ARSK: variants seen among roughly 807,000 people sequenced by gnomAD.
ARSK encodes arylsulfatase K.
In ARSK, 37 loss-of-function variants were observed where a neutral mutation model predicts 53.2. The ratio of observed to expected loss-of-function variants is 0.70; its 90% CI spans 0.54 to 0.92. The LOEUF is 0.92. Among genes scored for constraint, ARSK ranks in the 40% least tolerant of loss-of-function variants. The pLI, the probability that ARSK is intolerant of heterozygous loss-of-function variation, is 0.00. For missense variants in ARSK, 613 were observed against 643.0 expected (o/e 0.95, Z 0.51); for synonymous variants, 208 against 223.2 (o/e 0.93, Z 0.61).
intron 1 of ARSK, among the ~76,000 whole-genome samples, chr5:95,562,899 T>TG (rs1748666702): frequency 6.6e-6 from 1 of 152,270 alleles, no homozygotes; most frequent in Non-Finnish European, 1.5e-5. Context: ...AGATTTTCTC[T>TG]GCCAACTAAA....
At chr5:95,602,017 T>G (rs1749408844) in intron 7 of ARSK, among the ~76,000 whole-genome samples, 1 of 151,642 alleles carries the variant, frequency 6.6e-6, no homozygotes, top group African/African-American at 2.4e-5. Flanking sequence ...TGCCCCATAA[T>G]CAAACTGAAC....
chr5:95,604,192 T>C lies in ARSK; in HGVS notation c.*666T>C, dbSNP rs1455836131. On this transcript the variant is annotated 3_prime_UTR_variant, in exon 8 of 8. Coordinates refer to ENST00000380009, the MANE Select transcript of ARSK (RefSeq NM_198150.3). Reference sequence around the variant, plus strand: ...CATTTGATGGTGCTCGATGAGTTACTTGTATTTGATGGGATTGTTTGGATG... The same window carrying C: ...CATTTGATGGTGCTCGATGAGTTACCTGTATTTGATGGGATTGTTTGGATG... 6.6e-6 allele frequency: 1 copy of C among 152,210 alleles called. No individual in the cohort carries two copies. Among genetic ancestry groups the C allele is most frequent in the Non-Finnish European group, 1.5e-5 (1 of 68,036 alleles). 9.4% of individuals were successfully genotyped at this position (152,210 alleles called of 1,614,324 possible). A position where few individuals can be genotyped will look rare whatever the true frequency, so the allele number is the denominator to read the frequency against.
In ARSK at chr5:95,595,787, A is replaced by G. The variant is rs542907436; in HGVS notation, c.1096+4162A>G. Among the ~76,000 whole-genome samples, 2 of 152,244 alleles carry G rather than the reference A, an allele frequency of 1.3e-5. 1 individual carries two copies. The highest frequency in any genetic ancestry group is 4.8e-5 in the African/African-American group (2 of 41,536). ...CCCAAACCTCAACATCAAGTAATATACCCAGGGAACAAACCTGCACATGTA... is the reference window on the plus strand; with the variant it reads ...CCCAAACCTCAACATCAAGTAATATGCCCAGGGAACAAACCTGCACATGTA... On this transcript the variant is annotated intron_variant, in intron 6 of 7. Transcript: ENST00000380009.
intron 6 of ARSK, among the ~76,000 whole-genome samples, chr5:95,599,706 C>G (rs932049490): frequency 2.0e-5 from 3 of 152,154 alleles, no homozygotes; most frequent in African/African-American, 7.2e-5. Flanking sequence ...TTGTGATAGT[C>G]TTCTTCCAAG....
intron 5 of ARSK, among the ~76,000 whole-genome samples, chr5:95,588,233 T>A (rs1749154093): frequency 6.7e-6 from 1 of 148,772 alleles, no homozygotes; most frequent in South Asian, 2.1e-4. Context: ...ATATACTGTA[T>A]CTTAATTTTT....
intron 4 of ARSK, 114 bp downstream of exon 4, chr5:95,583,312 T>A: frequency 1.0e-6 from 1 of 981,066 alleles, no homozygotes; most frequent in Non-Finnish European, 1.4e-6. Context: ...AATTGTATAT[T>A]CAAACTTGAC....
chr5:95,599,532 A>G (rs1043705572), intron 6 of ARSK, among the ~76,000 whole-genome samples: 1 of 152,100 alleles, frequency 6.6e-6, no homozygotes, highest in African/African-American at 2.4e-5. Flanking sequence ...GAGCACAGTT[A>G]GTTTCACCCA....
At chr5:95,562,306 C>T (rs185885096) in intron 1 of ARSK, among the ~76,000 whole-genome samples, 38 of 152,344 alleles carry the variant, frequency 2.5e-4, no homozygotes, top group Non-Finnish European at 4.1e-4. Context: ...TGCATCCCCA[C>T]TCCTACTCCT....
chr5:95,586,406 T>C (rs1262287695), intron 4 of ARSK, among the ~76,000 whole-genome samples, 156 bp from the exon 5 acceptor site: 3 of 152,214 alleles, frequency 2.0e-5, no homozygotes, highest in Admixed American at 6.5e-5. Context: ...TTGTTCCTAA[T>C]TTATGTATTG....
chr5:95,555,140 G>A lies in ARSK; in HGVS notation c.-139G>A, dbSNP rs1316100884. The A allele has an allele frequency of 1.5e-5, 10 of 678,748 alleles. No homozygotes were observed. Among genetic ancestry groups the A allele is most frequent in the South Asian group, 4.9e-5 (3 of 61,640 alleles). 42.0% of individuals were successfully genotyped at this position (678,748 alleles called of 1,614,324 possible). ...CCTGATAGGAGTTGTAGTTCTGCGG[G>A]TGAAGCTCGGCGTTACTATCAAGCA... On this transcript the variant is annotated 5_prime_UTR_variant, in exon 1 of 8. It adds an upstream start codon to the 5' untranslated region. Coordinates refer to ENST00000380009, the MANE Select transcript of ARSK (RefSeq NM_198150.3). The surrounding 1 kb of genome is among the most constrained non-coding windows in gnomAD (Gnocchi z 4.0).
At chr5:95,560,145 C>G (rs1435885040) in intron 1 of ARSK, among the ~76,000 whole-genome samples, 2 of 152,090 alleles carry the variant, frequency 1.3e-5, no homozygotes, top group Non-Finnish European at 2.9e-5. Flanking sequence ...TTCTTATACT[C>G]CGAAAACTAC....
intron 1 of ARSK, among the ~76,000 whole-genome samples, chr5:95,559,095 C>T (rs554497143): frequency 1.2e-4 from 18 of 152,212 alleles, no homozygotes; most frequent in Admixed American, 1.0e-3. Flanking sequence ...TGAGCCGAGA[C>T]GTGCCATTGC....
intron 5 of ARSK, 69 bp downstream of exon 5, chr5:95,586,802 A>C (rs1749120734): frequency 3.7e-6 from 5 of 1,338,034 alleles, no homozygotes; most frequent in African/African-American, 1.6e-5. Flanking sequence ...GTCTGTAATC[A>C]TGCTGCTTGG....
At chr5:95,582,334 TAAAG>T (rs1228026780) in intron 3 of ARSK, among the ~76,000 whole-genome samples, 3 of 152,092 alleles carry the variant, frequency 2.0e-5, no homozygotes, top group Non-Finnish European at 4.4e-5. Flanking sequence ...AAATGAGTAA[TAAAG>T]AAAATATCTC....
chr5:95,583,002 C>G lies in ARSK; in HGVS notation c.503C>G (p.Thr168Ser), dbSNP rs1186772601. The G allele has an allele frequency of 6.2e-7, 1 of 1,613,694 alleles. No individual in the cohort carries two copies. The highest frequency in any genetic ancestry group is 8.5e-7 in the Non-Finnish European group (1 of 1,179,718). The change falls in exon 4 of 8, where the codon ACT becomes AGT. Residue 168 changes from threonine (T) to serine (S), a missense_variant. Coordinates refer to ENST00000380009, the MANE Select transcript of ARSK (RefSeq NM_198150.3). ...ATGGTTAATCTTATCCGTAACAGGA[C>G]TAAAGTCAGAGTGATGGAAAGGGAT... ...RPMVNLIRNR[T>S]KVRVMERDWQ...
intron 5 of ARSK, among the ~76,000 whole-genome samples, chr5:95,588,264 G>A (rs1226848727): frequency 6.8e-6 from 1 of 148,036 alleles, no homozygotes; most frequent in African/African-American, 2.5e-5. Flanking sequence ...TTGAGATAGA[G>A]TCTAGTTCTG....
chr5:95,555,141 T>C lies in ARSK; in HGVS notation c.-138T>C. ...CTGATAGGAGTTGTAGTTCTGCGGG[T>C]GAAGCTCGGCGTTACTATCAAGCAA... On this transcript the variant is annotated 5_prime_UTR_variant, in exon 1 of 8. Transcript: ENST00000380009. This position sits in a 1 kb window ranked among gnomAD's most constrained non-coding sequence, Gnocchi z 4.0. 1 of 687,222 alleles carries C rather than the reference T, an allele frequency of 1.5e-6. No individual in the cohort carries two copies. Among genetic ancestry groups the C allele is most frequent in the Non-Finnish European group, 2.3e-6 (1 of 429,996 alleles). The allele number at this position is 687,222 out of a possible 1,614,324, so 42.6% of individuals were successfully genotyped here. A position where few individuals can be genotyped will look rare whatever the true frequency, so the allele number is the denominator to read the frequency against.
rs201701037 is a variant in ARSK at position 95,603,541 on chromosome 5, A to G, written c.*15A>G. On this transcript the variant is annotated 3_prime_UTR_variant, in exon 8 of 8. Transcript: ENST00000380009. ...GAGCAGTTTGAACAAAAAGTTTAAAAATAGTGTTCTAGAGATACATATAAA... is the reference window on the plus strand; with the variant it reads ...GAGCAGTTTGAACAAAAAGTTTAAAGATAGTGTTCTAGAGATACATATAAA... The G allele has an allele frequency of 7.7e-4, 1,210 of 1,566,808 alleles. 2 individuals carry two copies. The highest frequency in any genetic ancestry group is 9.6e-4 in the Non-Finnish European group (1,111 of 1,157,540).
At chr5:95,557,614 T>C (rs1748545310) in intron 1 of ARSK, among the ~76,000 whole-genome samples, 1 of 152,254 alleles carries the variant, frequency 6.6e-6, no homozygotes, top group Non-Finnish European at 1.5e-5. Flanking sequence ...ATGTTGGTCT[T>C]TAAACTTAAA....
Sources: gnomAD v4.1 joint callset for allele counts (sites outside exome capture counted in the v4.1 genomes callset) on GRCh38, gnomAD v4.1.1 for gene constraint, Gnocchi (gnomAD v3.1) non-coding constraint, MANE v1.5 for transcripts, NCBI Gene and HGNC (gene_info 2026-07-23, HGNC 2026-07-21) for gene names.